Variants in SYNDIG1L observed in about 807,000 individuals in gnomAD.
The protein encoded by SYNDIG1L is synapse differentiation inducing 1 like, also known as synapse differentiation-inducing gene protein 1-like.
A neutral mutation model predicts 20.1 loss-of-function variants in SYNDIG1L; 13 were observed. The ratio of observed to expected loss-of-function variants is 0.65; its 90% confidence interval spans 0.42 to 1.03. The LOEUF is 1.03. Among genes scored for constraint, SYNDIG1L ranks in the 50% least tolerant of loss-of-function variants. The pLI is 0.00. For missense variants in SYNDIG1L, 294 were observed against 305.1 expected (o/e 0.96, Z 0.27); for synonymous variants, 128 against 129.3 (o/e 0.99, Z 0.07).
the SYNDIG1L span, among the ~76,000 whole-genome samples, chr14:74,464,691 C>G: frequency 2.0e-5 from 3 of 152,224 alleles, no homozygotes; most frequent in East Asian, 5.8e-4. Flanking sequence ...GCAGTATGGC[C>G]TGGTTAGCAC....
the SYNDIG1L span, among the ~76,000 whole-genome samples, chr14:74,458,090 G>A: frequency 1.1e-4 from 16 of 152,068 alleles, no homozygotes; most frequent in African/African-American, 2.2e-4. Flanking sequence ...GAGCCACTGC[G>A]CCCAGCTTGG....
upstream of SYNDIG1L, among the ~76,000 whole-genome samples, chr14:74,430,044 G>A (rs1454222683): frequency 1.3e-5 from 2 of 152,152 alleles, no homozygotes; most frequent in East Asian, 1.9e-4. Context: ...AGAAGATGAG[G>A]AGAGTTCTTA....
Position 74,407,289 on chromosome 14 carries a change from C to T in SYNDIG1L, c.*246G>A. 1.7e-6 allele frequency: 1 copy of T among 583,302 alleles called. No homozygotes were observed. The highest frequency in any genetic ancestry group is 2.0e-5 in the South Asian group (1 of 49,832). The allele number at this position is 583,302 out of a possible 1,614,324, so 36.1% of individuals were successfully genotyped here. A position where few individuals can be genotyped will look rare whatever the true frequency, so the allele number is the denominator to read the frequency against. On this transcript the variant is annotated 3_prime_UTR_variant, in exon 4 of 4. Transcript: ENST00000331628. ...GGGATGGCCTGGTGGGCAGCCCTGC[C>T]TTCTGTTTCCCGTCTGTAGCCTGGG...
At chr14:74,427,557 TC>T (rs145757984), upstream of SYNDIG1L, among the ~76,000 whole-genome samples, 371 of 152,286 alleles carry the variant, frequency 2.4e-3, 2 homozygotes, top group African/African-American at 8.4e-3. Context: ...AACTCCCTTA[TC>T]CTGGGGTCTG....
In SYNDIG1L at chr14:74,409,609, C is replaced by A. The variant is rs201967063; in HGVS notation, c.136G>T (p.Ala46Ser). The change falls in exon 2 of 4, where the codon GCT becomes TCT. Residue 46 changes from alanine to serine, a missense_variant. Physicochemically the swap from Ala to Ser is moderately conservative, Grantham distance 99. Coordinates refer to ENST00000331628, the MANE Select transcript of SYNDIG1L (RefSeq NM_001105579.2). ...EKLYSYLLGGAGPAGAHQLLD... is the reference protein window; with the variant it reads ...EKLYSYLLGGSGPAGAHQLLD... ...AGCTGGTGGGCTCCGGCAGGCCCAG[C>A]GCCACCTAGGAGGTAGGAGTAGAGC... The A allele has an allele frequency of 6.0e-6, 9 of 1,508,446 alleles. No individual in the cohort carries two copies. The highest frequency in any genetic ancestry group is 1.4e-5 in the South Asian group (1 of 73,504). 93.4% of individuals were successfully genotyped at this position (1,508,446 alleles called of 1,614,324 possible).
At chr14:74,474,650 C>T in the SYNDIG1L span, 1 of 152,414 alleles carries the variant, frequency 6.6e-6, no homozygotes, top group Non-Finnish European at 1.5e-5. Flanking sequence ...GGCCAGGGAG[C>T]CTTCAGGCTG....
At chr14:74,422,816 T>C (rs1393980179) in intron 1 of SYNDIG1L, among the ~76,000 whole-genome samples, 2 of 150,954 alleles carry the variant, frequency 1.3e-5, no homozygotes, top group African/African-American at 2.4e-5. Context: ...CAGGCTGAAG[T>C]GATTCATGCC....
intron 1 of SYNDIG1L, among the ~76,000 whole-genome samples, chr14:74,420,124 C>T (rs1017295416): frequency 7.2e-5 from 11 of 152,004 alleles, no homozygotes; most frequent in Non-Finnish European, 1.3e-4. Context: ...AGGCCAGGCA[C>T]GGTGGCTCAC....
chr14:74,415,234 G>A (rs951480157), intron 1 of SYNDIG1L, among the ~76,000 whole-genome samples: 1 of 152,168 alleles, frequency 6.6e-6, no homozygotes, highest in African/African-American at 2.4e-5. Flanking sequence ...ACCCCTTGTC[G>A]GATGAAGGCC....
the SYNDIG1L span, among the ~76,000 whole-genome samples, chr14:74,478,686 G>C: frequency 6.6e-6 from 1 of 152,194 alleles, no homozygotes; most frequent in Non-Finnish European, 1.5e-5. Flanking sequence ...GAAAGTTCTT[G>C]TGCACAGAGG....
chr14:74,458,192 G>A, the SYNDIG1L span, among the ~76,000 whole-genome samples: 1 of 152,148 alleles, frequency 6.6e-6, no homozygotes, highest in Non-Finnish European at 1.5e-5. Context: ...GACTGAGTGA[G>A]AAAATAATAA....
At chr14:74,408,352 T>C (rs2099674933) in intron 2 of SYNDIG1L, among the ~76,000 whole-genome samples, 1 of 151,868 alleles carries the variant, frequency 6.6e-6, no homozygotes, top group African/African-American at 2.4e-5. Context: ...TCACCTGAGG[T>C]CAGGAGTTCG....
chr14:74,427,930 T>C (rs1027266902), upstream of SYNDIG1L, among the ~76,000 whole-genome samples: 1 of 152,230 alleles, frequency 6.6e-6, no homozygotes, highest in African/African-American at 2.4e-5. Context: ...ACCCTGGCTG[T>C]GCTCCATGCC....
chr14:74,449,644 G>T, the SYNDIG1L span, among the ~76,000 whole-genome samples: 1 of 149,324 alleles, frequency 6.7e-6, no homozygotes, highest in African/African-American at 2.5e-5. Flanking sequence ...AAAAGAAAAA[G>T]AAAAAGAAAA....
chr14:74,468,605 C>T, the SYNDIG1L span, among the ~76,000 whole-genome samples: 1 of 152,182 alleles, frequency 6.6e-6, no homozygotes, highest in East Asian at 1.9e-4. Context: ...CCCCCACACA[C>T]ACTGCAGTGG....
chr14:74,454,434 A>G, the SYNDIG1L span, among the ~76,000 whole-genome samples: 3 of 152,172 alleles, frequency 2.0e-5, no homozygotes, highest in Non-Finnish European at 4.4e-5. Context: ...GATGGATGAA[A>G]TGAGTACTCA....
the SYNDIG1L span, among the ~76,000 whole-genome samples, chr14:74,436,249 G>T: frequency 3.4e-5 from 5 of 145,668 alleles, no homozygotes; most frequent in Admixed American, 1.4e-4. Context: ...TTTTTTAAGA[G>T]ATAGTGTCTT....
chr14:74,439,937 G>A, the SYNDIG1L span, among the ~76,000 whole-genome samples: 1 of 151,858 alleles, frequency 6.6e-6, no homozygotes, highest in Non-Finnish European at 1.5e-5. Context: ...AGAAGTCAAT[G>A]GTATAAGGGT....
At chr14:74,478,048 T>C in the SYNDIG1L span, among the ~76,000 whole-genome samples, 5 of 152,256 alleles carry the variant, frequency 3.3e-5, no homozygotes, top group African/African-American at 7.2e-5. Flanking sequence ...TTTGCTCTGA[T>C]GGAAGGGTAT....
Sources: gnomAD v4.1 joint callset for allele counts (sites outside exome capture counted in the v4.1 genomes callset) on GRCh38, gnomAD v4.1.1 for gene constraint, MANE v1.5 for transcripts, NCBI Gene and HGNC (gene_info 2026-07-23, HGNC 2026-07-21) for gene names.